Variants in XKR4 observed in about 807,000 individuals in gnomAD.
XKR4 encodes XK-related protein 4.
A neutral mutation model predicts 53.9 loss-of-function variants in XKR4; 12 were observed. The ratio of observed to expected loss-of-function variants is 0.22; its 90% CI spans 0.14 to 0.36. The LOEUF is 0.36. Ranked by LOEUF, XKR4 falls within the 10% of genes least tolerant of loss-of-function variation. XKR4 has a pLI of 1.00. For missense variants in XKR4, 799 were observed against 859.5 expected (o/e 0.93, Z 0.88); for synonymous variants, 354 against 362.4 (o/e 0.98, Z 0.26).
rs1026297073 is a variant in XKR4, at chr8:55,466,079, C to A, written c.1007-57202C>A. Among the ~76,000 whole-genome samples the A allele has an allele frequency of 5.8e-4, 88 of 151,844 alleles. 1 individual carries two copies. The highest frequency in any genetic ancestry group is 5.4e-4 in the Non-Finnish European group (37 of 67,996). ...TCAACCATTGTGGAAGTCAGTGTGGCGATTCCTCAGGGATCTAGAACTAGA... is the reference window on the plus strand; with the variant it reads ...TCAACCATTGTGGAAGTCAGTGTGGAGATTCCTCAGGGATCTAGAACTAGA... On this transcript the variant is annotated intron_variant, in intron 2 of 2. Transcript: ENST00000327381.
chr8:55,478,536 T>A (rs1275515864), intron 2 of XKR4, among the ~76,000 whole-genome samples: 3 of 151,584 alleles, frequency 2.0e-5, no homozygotes, highest in East Asian at 3.9e-4. Flanking sequence ...CAGGACCAAC[T>A]CCACACATAA....
At chr8:55,200,946 A>G (rs553556259) in intron 1 of XKR4, among the ~76,000 whole-genome samples, 3 of 152,356 alleles carry the variant, frequency 2.0e-5, no homozygotes, top group Non-Finnish European at 4.4e-5. Flanking sequence ...GAATCATACT[A>G]AAATATCCTT....
intron 1 of XKR4, among the ~76,000 whole-genome samples, chr8:55,293,147 C>A (rs1489511256): frequency 6.6e-6 from 1 of 152,086 alleles, no homozygotes; most frequent in Non-Finnish European, 1.5e-5. Flanking sequence ...CCAGCCTGCT[C>A]AACATGGTGA....
chr8:55,394,413 T>C (rs748930312), intron 2 of XKR4, among the ~76,000 whole-genome samples: 1 of 152,164 alleles, frequency 6.6e-6, no homozygotes, highest in Non-Finnish European at 1.5e-5. Flanking sequence ...CCAAACCTCA[T>C]AGAGCTAAAA....
At chr8:55,366,087 G>T (rs977505405) in intron 2 of XKR4, among the ~76,000 whole-genome samples, 1 of 152,244 alleles carries the variant, frequency 6.6e-6, no homozygotes, top group Non-Finnish European at 1.5e-5. Context: ...CTGGAGACAG[G>T]CGCTGTGGAG....
In XKR4 at chr8:55,102,604, C is replaced by A; in HGVS notation, c.116C>A (p.Pro39Gln). 6.8e-7 allele frequency: 1 copy of A among 1,468,854 alleles called. No homozygotes were observed. Among genetic ancestry groups the A allele is most frequent in the Non-Finnish European group, 9.1e-7 (1 of 1,099,888 alleles). 91.0% of individuals were successfully genotyped at this position (1,468,854 alleles called of 1,614,324 possible). A position where few individuals can be genotyped will look rare whatever the true frequency, so the allele number is the denominator to read the frequency against. The change falls in exon 1 of 3, where the codon CCG becomes CAG. Residue 39 changes from proline (P) to glutamine (Q), a missense_variant. This residue lies in a region of XKR4 where 476 missense variants were observed against 505.4 expected (regional missense o/e 0.94). Coordinates refer to ENST00000327381, the MANE Select transcript of XKR4 (RefSeq NM_052898.2). This position sits in a 1 kb window ranked among gnomAD's most constrained non-coding sequence, Gnocchi z 5.1. Reference sequence around the variant, plus strand: ...GTGCAGGGATTGGCTCCAGGCTTGCCGTCGGGGTCGGGAGCCGAGGACGAG... The same window carrying A: ...GTGCAGGGATTGGCTCCAGGCTTGCAGTCGGGGTCGGGAGCCGAGGACGAG... ...GSVQGLAPGL[P>Q]SGSGAEDEEA... is the part of the protein sequence containing the mutation.
chr8:55,497,709 C>T (rs938875532), intron 2 of XKR4, among the ~76,000 whole-genome samples: 6 of 152,208 alleles, frequency 3.9e-5, no homozygotes, highest in African/African-American at 9.7e-5. Flanking sequence ...TCTCCTATTT[C>T]GAGCCTGCTG....
chr8:55,239,286 G>A (rs1818175218), intron 1 of XKR4, among the ~76,000 whole-genome samples: 1 of 152,164 alleles, frequency 6.6e-6, no homozygotes, highest in Admixed American at 6.5e-5. Context: ...TTGTTGTTTG[G>A]TCACGGGTGA....
chr8:55,118,065 T>C (rs1179247972), intron 1 of XKR4, among the ~76,000 whole-genome samples: 1 of 152,238 alleles, frequency 6.6e-6, no homozygotes, highest in Non-Finnish European at 1.5e-5. Flanking sequence ...ATATACCTTA[T>C]TGAATATCTG....
chr8:55,471,748 G>A (rs532860971), intron 2 of XKR4, among the ~76,000 whole-genome samples: 3 of 152,186 alleles, frequency 2.0e-5, no homozygotes, highest in South Asian at 4.1e-4. Flanking sequence ...CCTTGGTGAT[G>A]AGTAAGTTCT....
At chr8:55,466,797 C>G (rs1805780885) in intron 2 of XKR4, among the ~76,000 whole-genome samples, 1 of 152,052 alleles carries the variant, frequency 6.6e-6, no homozygotes, top group East Asian at 1.9e-4. Context: ...GGTCTTTTAT[C>G]AGTAAGTGAT....
intron 1 of XKR4, among the ~76,000 whole-genome samples, chr8:55,139,695 A>C (rs1816678294): frequency 6.6e-6 from 1 of 151,362 alleles, no homozygotes; most frequent in South Asian, 2.1e-4. Context: ...AACAATGCTT[A>C]ATTTCTTTGA....
At chr8:55,384,349 T>A (rs1460588906) in intron 2 of XKR4, among the ~76,000 whole-genome samples, 1 of 152,246 alleles carries the variant, frequency 6.6e-6, no homozygotes, top group Non-Finnish European at 1.5e-5. Flanking sequence ...ATGTGTAAGA[T>A]AGCAAATGTG....
At position 55,504,459 on chromosome 8, in the gene XKR4, C is replaced by T. The variant is rs989348144; in HGVS notation, c.1007-18822C>T. 2.0e-5 allele frequency among the ~76,000 whole-genome samples: 3 copies of T among 152,110 alleles called. No individual in the cohort carries two copies. The South Asian group carries it at 6.2e-4, about 32-fold the overall frequency. On this transcript the variant is annotated intron_variant, in intron 2 of 2. Transcript: ENST00000327381. ...CCAACTCCTGATCTCAGGCAATCTG[C>T]CCACCTCAGCCTCCCAAAGTGTTGG...
chr8:55,419,312 G>A (rs1804892892), intron 2 of XKR4, among the ~76,000 whole-genome samples: 1 of 152,144 alleles, frequency 6.6e-6, no homozygotes, highest in African/African-American at 2.4e-5. Context: ...TTGAACCCTG[G>A]AGGCAGAGAT....
Position 55,174,486 on chromosome 8 carries a change from A to G in XKR4, c.806+71192A>G, listed in dbSNP as rs145042822. ...TATTTTGGAGCATCCGGGGCTTCAC[A>G]AAGTGCTTGTCATAAGGCATTTAAC... On this transcript the variant is annotated intron_variant, in intron 1 of 2. Transcript: ENST00000327381. Among the ~76,000 whole-genome samples, 11 of 152,290 alleles carry G rather than the reference A, an allele frequency of 7.2e-5. No individual in the cohort carries two copies. The East Asian group carries it at 2.1e-3, about 29-fold the overall frequency.
At chr8:55,394,862 C>A (rs933263284) in intron 2 of XKR4, among the ~76,000 whole-genome samples, 2 of 152,208 alleles carry the variant, frequency 1.3e-5, no homozygotes, top group African/African-American at 4.8e-5. Flanking sequence ...TAATCAACTT[C>A]ATGAAATTCT....
intron 2 of XKR4, among the ~76,000 whole-genome samples, chr8:55,495,513 C>T (rs1806329871): frequency 6.6e-6 from 1 of 152,236 alleles, no homozygotes; most frequent in Non-Finnish European, 1.5e-5. Flanking sequence ...TTCCTCCGTG[C>T]CCTACCACAT....
At chr8:55,434,731 A>G (rs941762087) in intron 2 of XKR4, among the ~76,000 whole-genome samples, 4 of 152,214 alleles carry the variant, frequency 2.6e-5, no homozygotes, top group Admixed American at 1.3e-4. Flanking sequence ...GGTAAAGATT[A>G]ATACCACTGT....
Sources: allele counts gnomAD v4.1 joint callset (sites outside exome capture counted in the v4.1 genomes callset), GRCh38; gene constraint gnomAD v4.1.1; regional missense constraint gnomAD v4.1.1; non-coding constraint Gnocchi (gnomAD v3.1); transcripts MANE v1.5; gene names NCBI Gene and HGNC (gene_info 2026-07-23, HGNC 2026-07-21).